GPC5: variants seen among roughly 807,000 people sequenced by gnomAD.
GPC5 encodes glypican 5.
A neutral mutation model predicts 53.9 loss-of-function variants in GPC5; 47 were observed. The ratio of observed to expected loss-of-function variants is 0.87; its 90% CI spans 0.69 to 1.11. The LOEUF (loss-of-function observed/expected upper bound fraction) is 1.11, where lower values mean the gene tolerates loss of function less well. GPC5 is among the 50% of genes most tolerant of loss of function. GPC5 has a pLI of 0.00. For missense variants in GPC5, 748 were observed against 713.1 expected (o/e 1.05, Z -0.56); for synonymous variants, 286 against 263.3 (o/e 1.09, Z -0.84).
chr13:91,760,155 A>G (rs968151787), intron 5 of GPC5, among the ~76,000 whole-genome samples: 2 of 152,110 alleles, frequency 1.3e-5, no homozygotes, highest in African/African-American at 4.8e-5. Context: ...AAAAAGTGCT[A>G]TTTATACATT....
At chr13:92,825,824 T>C (rs1877827571) in intron 7 of GPC5, among the ~76,000 whole-genome samples, 1 of 152,176 alleles carries the variant, frequency 6.6e-6, no homozygotes, top group Admixed American at 6.6e-5. Flanking sequence ...AATTATGCTA[T>C]AGATTGCATT....
intron 2 of GPC5, among the ~76,000 whole-genome samples, chr13:91,538,776 G>A (rs1166376633): frequency 6.6e-6 from 1 of 151,584 alleles, no homozygotes; most frequent in Admixed American, 6.6e-5. Flanking sequence ...TAGAGACCGG[G>A]TTTCACCATG....
chr13:91,900,259 T>C (rs1396646343), intron 5 of GPC5, among the ~76,000 whole-genome samples: 3 of 152,178 alleles, frequency 2.0e-5, no homozygotes, highest in African/African-American at 7.2e-5. Context: ...ATCATTTTGT[T>C]GTTGGCTTAA....
intron 7 of GPC5, among the ~76,000 whole-genome samples, chr13:92,388,843 G>A (rs1019029067): frequency 6.6e-5 from 10 of 152,124 alleles, no homozygotes; most frequent in African/African-American, 1.7e-4. Context: ...TATTAGCCAG[G>A]ACAGGGAGAT....
chr13:92,422,413 A>G (rs1036130525), intron 7 of GPC5, among the ~76,000 whole-genome samples: 4 of 151,960 alleles, frequency 2.6e-5, no homozygotes, highest in African/African-American at 9.7e-5. Flanking sequence ...GCCCAAAACA[A>G]GAGGTCAATT....
intron 6 of GPC5, among the ~76,000 whole-genome samples, chr13:92,131,949 A>T (rs888753308): frequency 6.6e-6 from 1 of 152,060 alleles, no homozygotes; most frequent in Admixed American, 6.5e-5. Context: ...ATAACTGGGA[A>T]TTTTTTACAC....
At chr13:92,509,898 G>C (rs533938770) in intron 7 of GPC5, 6 of 152,232 alleles carry the variant, frequency 3.9e-5, no homozygotes, top group African/African-American at 1.4e-4. Flanking sequence ...AGTAGAAACA[G>C]ATTCCTGAAT....
At chr13:91,878,857 C>T (rs923513950) in intron 5 of GPC5, among the ~76,000 whole-genome samples, 2 of 152,034 alleles carry the variant, frequency 1.3e-5, no homozygotes, top group Non-Finnish European at 2.9e-5. Flanking sequence ...TGAGAATGGA[C>T]TAATACATTG....
intron 7 of GPC5, among the ~76,000 whole-genome samples, chr13:92,811,608 A>G (rs1455267786): frequency 6.6e-6 from 1 of 151,942 alleles, no homozygotes; most frequent in Admixed American, 6.6e-5. Flanking sequence ...ATGCAGAAAC[A>G]TTTTTAATTT....
At chr13:92,192,449 C>G (rs2042229200) in intron 7 of GPC5, among the ~76,000 whole-genome samples, 1 of 152,048 alleles carries the variant, frequency 6.6e-6, no homozygotes, top group Non-Finnish European at 1.5e-5. Flanking sequence ...AGGAAATTAT[C>G]CAACATTTTA....
intron 7 of GPC5, among the ~76,000 whole-genome samples, chr13:92,412,657 A>G (rs534480331): frequency 6.6e-6 from 1 of 152,326 alleles, no homozygotes; most frequent in Non-Finnish European, 1.5e-5. Context: ...ACTGCAACAG[A>G]AGAGTTGAGT....
At chr13:92,025,011 C>T (rs987734529) in intron 6 of GPC5, among the ~76,000 whole-genome samples, 1 of 152,134 alleles carries the variant, frequency 6.6e-6, no homozygotes, top group Admixed American at 6.5e-5. Context: ...AACAGCCTTT[C>T]TAAAATGAAA....
intron 5 of GPC5, among the ~76,000 whole-genome samples, chr13:91,808,102 A>G (rs2138795700): frequency 6.6e-6 from 1 of 152,236 alleles, no homozygotes; most frequent in South Asian, 2.1e-4. Flanking sequence ...CTATCTTTCT[A>G]GGAAAAAAAA....
At chr13:91,401,027 GTGA>G (rs1304530602) in intron 1 of GPC5, among the ~76,000 whole-genome samples, 1 of 152,132 alleles carries the variant, frequency 6.6e-6, no homozygotes, top group African/African-American at 2.4e-5. Flanking sequence ...GTGGCTGAAG[GTGA>G]TGGAGGAATC....
At chr13:92,410,954 G>T (rs1290285143) in intron 7 of GPC5, among the ~76,000 whole-genome samples, 1 of 152,182 alleles carries the variant, frequency 6.6e-6, no homozygotes, top group Non-Finnish European at 1.5e-5. Context: ...ATTACTTGAG[G>T]CCAGGCGCAG....
chr13:92,216,352 TAAC>T (rs1390501819), intron 7 of GPC5, among the ~76,000 whole-genome samples: 3 of 152,224 alleles, frequency 2.0e-5, no homozygotes, highest in South Asian at 2.1e-4. Flanking sequence ...TTATTGCAGG[TAAC>T]AACAACAGCC....
intron 7 of GPC5, among the ~76,000 whole-genome samples, chr13:92,620,152 C>T (rs111629904): frequency 1.3e-5 from 2 of 151,856 alleles, no homozygotes; most frequent in Non-Finnish European, 2.9e-5. Context: ...TGCATGTATA[C>T]TTTTATTAAA....
chr13:91,434,671 T>C (rs1467940603), intron 1 of GPC5, among the ~76,000 whole-genome samples: 2 of 152,186 alleles, frequency 1.3e-5, no homozygotes, highest in Non-Finnish European at 2.9e-5. Flanking sequence ...CGATGCGGGC[T>C]CTTTTTTGGT....
chr13:91,763,294 C>CATCTCATGGTACGCATCT (rs1217822322), intron 5 of GPC5, among the ~76,000 whole-genome samples: 2 of 152,062 alleles, frequency 1.3e-5, no homozygotes, highest in African/African-American at 4.8e-5. Context: ...AACTTTAAGA[C>CATCTCATGGTACGCATCT]CATGTACATC....
Sources: gnomAD v4.1 joint callset for allele counts (sites outside exome capture counted in the v4.1 genomes callset) on GRCh38, gnomAD v4.1.1 for gene constraint, MANE v1.5 for transcripts, NCBI Gene and HGNC (gene_info 2026-07-23, HGNC 2026-07-21) for gene names.